The following KIFBP variants were observed in gnomAD, a reference collection of about 807,000 sequenced individuals.
KIFBP encodes kinesin family binding protein.
Under a neutral mutation model 58.9 loss-of-function variants are expected in KIFBP, and 46 were observed. The ratio of observed to expected loss-of-function variants is 0.78; its 90% CI spans 0.62 to 1.00. KIFBP has a LOEUF of 1.00. Ranked by LOEUF, KIFBP falls within the 50% of genes least tolerant of loss-of-function variation. The pLI is 0.00. For missense variants in KIFBP, 651 were observed against 752.9 expected (o/e 0.86, Z 1.58); for synonymous variants, 241 against 283.4 (o/e 0.85, Z 1.50).
At position 68,989,199 on chromosome 10, in the gene KIFBP, C is replaced by T. The variant is rs372695759; in HGVS notation, c.367C>T (p.Arg123Trp). Residue 123 changes from arginine to tryptophan, a missense_variant, in exon 1 of 7, where the codon CGG becomes TGG. Physicochemically the swap from Arg to Trp is moderately radical, Grantham distance 101. Coordinates refer to ENST00000361983, the MANE Select transcript of KIFBP (RefSeq NM_015634.4). The part of the protein sequence containing the change: ...AGEEHLVKCL[R>W]LLRRYRLSHD... ...GGAGGAGCACCTGGTGAAATGCCTG[C>T]GGCTGCTGCGCAGGTACCGGCTCTC... The T allele has an allele frequency of 3.0e-5, 48 of 1,613,502 alleles. No homozygotes were observed. In the East Asian group the frequency reaches 1.1e-3, roughly 36 times the overall value.
chr10:68,996,298 C>T (rs1301665640), intron 1 of KIFBP, among the ~76,000 whole-genome samples: 10 of 151,732 alleles, frequency 6.6e-5, no homozygotes, highest in East Asian at 5.9e-4. Context: ...TGGTGGCTGA[C>T]GCCTGTAATC....
At position 69,000,578 on chromosome 10, in the gene KIFBP, T is replaced by C; in HGVS notation, c.525+56T>C. ...TTGATTGAAACTAGTTAAGAATTGA[T>C]AGTAAGAATCCCTCATTCGTAATAT... On this transcript the variant is annotated intron_variant, in intron 2 of 6. Transcript: ENST00000361983. 4 of 1,072,588 alleles carry C rather than the reference T, an allele frequency of 3.7e-6. No individual in the cohort carries two copies. The South Asian group carries it at 3.7e-5, about 10-fold the overall frequency. 66.4% of individuals were successfully genotyped at this position (1,072,588 alleles called of 1,614,324 possible). A position where few individuals can be genotyped will look rare whatever the true frequency, so the allele number is the denominator to read the frequency against.
chr10:69,003,572 C>T (rs941924103), intron 2 of KIFBP, among the ~76,000 whole-genome samples: 5 of 152,094 alleles, frequency 3.3e-5, no homozygotes, highest in South Asian at 2.1e-4. Context: ...TTTTGGAAGA[C>T]GTAAGAGGGG....
chr10:68,989,314 G>A, intron 1 of KIFBP, 56 bp downstream of exon 1: 1 of 1,586,968 alleles, frequency 6.3e-7, no homozygotes, highest in South Asian at 1.1e-5. Context: ...GGGATGGGGA[G>A]GAGCCCCTGC....
At chr10:69,008,391 A>AAATATATATATATATATATATATATATAT in intron 4 of KIFBP, among the ~76,000 whole-genome samples, 1 of 71,594 alleles carries the variant, frequency 1.4e-5, no homozygotes, top group African/African-American at 7.8e-5. Context: ...AAAAAAAAAA[A>AAATATATATATATATATATATATATATAT]ATATATATAT....
At chr10:69,008,391 A>AT (rs1554843385) in intron 4 of KIFBP, among the ~76,000 whole-genome samples, 1,937 of 71,528 alleles carry the variant, frequency 0.027, 109 homozygotes, top group East Asian at 0.15. Context: ...AAAAAAAAAA[A>AT]ATATATATAT....
intron 6 of KIFBP, among the ~76,000 whole-genome samples, chr10:69,013,868 G>A (rs542821554): frequency 6.6e-6 from 1 of 152,128 alleles, no homozygotes; most frequent in South Asian, 2.1e-4. Context: ...TCCTACATCA[G>A]CCTGCCAAGT....
intron 5 of KIFBP, among the ~76,000 whole-genome samples, 166 bp downstream of exon 5, chr10:69,009,091 C>G (rs1456876479): frequency 6.6e-6 from 1 of 152,188 alleles, no homozygotes; most frequent in Non-Finnish European, 1.5e-5. Context: ...ATTTTTCTCT[C>G]TGAACCATTG....
intron 4 of KIFBP, chr10:69,006,725 T>A (rs1429903258): frequency 6.6e-6 from 1 of 152,236 alleles, no homozygotes; most frequent in Non-Finnish European, 1.5e-5. Context: ...TTATCAGAGT[T>A]CCTTCTTTCA....
In KIFBP at chr10:69,011,015, G is replaced by A; in HGVS notation, c.990G>A (p.Gln330=). The part of the protein sequence containing the change: ...TLMQNAQLSM[Q]DNIGELDLDK... Reference sequence around the variant, plus strand: ...TGCAGAATGCCCAACTCTCCATGCAGGTAATGCAGTCAGAAGCTGCCTTTT... The same window carrying A: ...TGCAGAATGCCCAACTCTCCATGCAAGTAATGCAGTCAGAAGCTGCCTTTT... The change falls in exon 6 of 7, where the codon CAG becomes CAA. Residue 330 remains glutamine, a splice_region_variant and synonymous_variant. Coordinates refer to ENST00000361983, the MANE Select transcript of KIFBP (RefSeq NM_015634.4). The A allele has an allele frequency of 6.2e-7, 1 of 1,605,252 alleles. No homozygotes were observed. The highest frequency in any genetic ancestry group is 8.5e-7 in the Non-Finnish European group (1 of 1,172,004).
At chr10:69,002,080 C>T (rs927736153) in intron 2 of KIFBP, among the ~76,000 whole-genome samples, 1 of 151,908 alleles carries the variant, frequency 6.6e-6, no homozygotes, top group African/African-American at 2.4e-5. Flanking sequence ...GCAGGAGGGT[C>T]GCTTGAGCCC....
chr10:69,001,148 C>G (rs1843461145), intron 2 of KIFBP, among the ~76,000 whole-genome samples: 1 of 151,622 alleles, frequency 6.6e-6, no homozygotes, highest in African/African-American at 2.4e-5. Context: ...CCGTGAAACC[C>G]TTCTGAAAAT....
intron 1 of KIFBP, among the ~76,000 whole-genome samples, chr10:68,994,367 T>C (rs1255363866): frequency 6.6e-6 from 1 of 152,104 alleles, no homozygotes; most frequent in African/African-American, 2.4e-5. Flanking sequence ...TTAATGGGAA[T>C]TCATGATATT....
At chr10:68,993,658 T>A (rs1381033648) in intron 1 of KIFBP, among the ~76,000 whole-genome samples, 1 of 152,064 alleles carries the variant, frequency 6.6e-6, no homozygotes, top group African/African-American at 2.4e-5. Context: ...CTCACTATAT[T>A]GACCAGGCTG....
chr10:68,991,427 AG>A (rs1843345640), intron 1 of KIFBP: 1 of 360,110 alleles, frequency 2.8e-6, no homozygotes, highest in African/African-American at 2.2e-5. Flanking sequence ...CCTACAAAAA[AG>A]ATTGCAATTA....
intron 1 of KIFBP, among the ~76,000 whole-genome samples, chr10:68,996,327 G>A (rs542386518): frequency 3.2e-4 from 48 of 152,282 alleles, no homozygotes; most frequent in Non-Finnish European, 6.3e-4. Flanking sequence ...TTGGGAGGCT[G>A]AGGTGGGTGG....
At position 68,989,154 on chromosome 10, in the gene KIFBP, A is replaced by C; in HGVS notation, c.322A>C (p.Thr108Pro). The C allele has an allele frequency of 1.2e-6, 2 of 1,613,412 alleles. No homozygotes were observed. Among genetic ancestry groups the C allele is most frequent in the Non-Finnish European group, 1.7e-6 (2 of 1,179,616 alleles). The change falls in exon 1 of 7, where the codon ACG becomes CCG. Residue 108 changes from threonine (T) to proline (P), a missense_variant. Physicochemically the swap from Thr to Pro is conservative, Grantham distance 38 (BLOSUM62 -1). Transcript: ENST00000361983. ...EFHLGVNHID[T>P]EELSAGEEHL... ...CCACCTCGGGGTGAACCACATCGACACGGAGGAGCTGTCGGCGGGGGAGGA... is the reference window on the plus strand; with the variant it reads ...CCACCTCGGGGTGAACCACATCGACCCGGAGGAGCTGTCGGCGGGGGAGGA...
intron 4 of KIFBP, among the ~76,000 whole-genome samples, chr10:69,007,096 T>C (rs559312992): frequency 9.2e-5 from 14 of 152,280 alleles, no homozygotes; most frequent in African/African-American, 2.6e-4. Context: ...AAATTACATA[T>C]TCACTGTGAC....
chr10:69,013,295 A>G (rs1383238420), intron 6 of KIFBP, among the ~76,000 whole-genome samples: 4 of 152,204 alleles, frequency 2.6e-5, no homozygotes, highest in Non-Finnish European at 1.5e-5. Context: ...ACCTCAACAC[A>G]TCAGAAGCAT....
Sources: gnomAD v4.1 joint callset for allele counts (sites outside exome capture counted in the v4.1 genomes callset) on GRCh38, gnomAD v4.1.1 for gene constraint, MANE v1.5 for transcripts, NCBI Gene and HGNC (gene_info 2026-07-23, HGNC 2026-07-21) for gene names.